The following CFTR variants were observed in gnomAD, a reference collection of about 807,000 sequenced individuals.
CFTR encodes cystic fibrosis transmembrane conductance regulator.
Under a neutral mutation model 171.6 loss-of-function variants are expected in CFTR, and 181 were observed. That is an observed-to-expected ratio of 1.05 (90% CI 0.93 to 1.19). The LOEUF is 1.19. Ranked by LOEUF, CFTR falls within the 50% of genes most tolerant of loss-of-function variation. The pLI is 0.00. For missense variants in CFTR, 1,968 were observed against 1,734.7 expected (o/e 1.13, Z -2.39); for synonymous variants, 583 against 608.0 (o/e 0.96, Z 0.60).
rs745756794 is a variant in CFTR at position 117,509,119 on chromosome 7, T to C, written c.250T>C (p.Tyr84His). The C allele has an allele frequency of 1.3e-5, 21 of 1,598,962 alleles. No homozygotes were observed. The highest frequency in any genetic ancestry group is 1.7e-5 in the Non-Finnish European group (20 of 1,166,438). ...RRCFFWRFMFYGIFLYLGEVT... is the reference protein window; with the variant it reads ...RRCFFWRFMFHGIFLYLGEVT... The stretch of plus-strand genomic sequence containing the variant: ...ATGTTTTTTCTGGAGATTTATGTTC[T>C]ATGGAATCTTTTTATATTTAGGGGT... The change falls in exon 3 of 27, where the codon TAT becomes CAT. Residue 84 changes from tyrosine to histidine, a missense_variant. By Grantham distance (83) the Tyr-to-His change is moderately conservative. Coordinates refer to ENST00000003084, the MANE Select transcript of CFTR (RefSeq NM_000492.4).
intron 22 of CFTR, among the ~76,000 whole-genome samples, chr7:117,639,426 T>G (rs932171691): frequency 6.6e-6 from 1 of 152,166 alleles, no homozygotes; most frequent in Non-Finnish European, 1.5e-5. Context: ...CTTTTTCCTC[T>G]CAAAATGCCT....
chr7:117,534,397 C>A, intron 5 of CFTR, 32 bp downstream of exon 5: 2 of 1,158,588 alleles, frequency 1.7e-6, no homozygotes, highest in Non-Finnish European at 2.6e-6. Flanking sequence ...CTTTTAGGCA[C>A]TATTGTTATA....
chr7:117,506,254 C>T (rs1191332135), intron 2 of CFTR, among the ~76,000 whole-genome samples: 2 of 151,856 alleles, frequency 1.3e-5, no homozygotes, highest in African/African-American at 4.8e-5. Context: ...GTTGTTGTTG[C>T]TGTTGTTTTT....
intron 13 of CFTR, 45 bp from the exon 14 acceptor site, chr7:117,591,889 A>C (rs773481219): frequency 8.2e-7 from 1 of 1,226,522 alleles, no homozygotes; most frequent in Non-Finnish European, 1.1e-6. Flanking sequence ...ATATTGCAAT[A>C]AAGTATTTAT....
intron 1 of CFTR, among the ~76,000 whole-genome samples, chr7:117,486,070 C>T (rs1338257234): frequency 1.3e-5 from 2 of 152,100 alleles, no homozygotes; most frequent in African/African-American, 2.4e-5. Context: ...ATTATTCCAT[C>T]GAAGTTTTCT....
At chr7:117,494,747 A>C (rs1167134739) in intron 1 of CFTR, among the ~76,000 whole-genome samples, 1 of 152,062 alleles carries the variant, frequency 6.6e-6, no homozygotes, top group Non-Finnish European at 1.5e-5. Flanking sequence ...ATAATTATAA[A>C]ATAAATACCA....
At chr7:117,653,290 C>T (rs1440007804) in intron 24 of CFTR, among the ~76,000 whole-genome samples, 1 of 152,166 alleles carries the variant, frequency 6.6e-6, no homozygotes, top group East Asian at 1.9e-4. Flanking sequence ...TGGCTCCAAC[C>T]ATCAGGCCCT....
At chr7:117,561,347 T>C (rs1307529601) in intron 11 of CFTR, among the ~76,000 whole-genome samples, 1 of 152,108 alleles carries the variant, frequency 6.6e-6, no homozygotes, top group Non-Finnish European at 1.5e-5. Context: ...CTTAAAATTA[T>C]TTTTGAAGTG....
chr7:117,610,496 A>C, intron 18 of CFTR, 23 bp from the exon 19 acceptor site: 1 of 1,609,224 alleles, frequency 6.2e-7, no homozygotes. Flanking sequence ...TTACTCACCA[A>C]CATGTTTTCT....
chr7:117,622,418 C>T (rs1200332034), intron 21 of CFTR, among the ~76,000 whole-genome samples: 4 of 152,110 alleles, frequency 2.6e-5, no homozygotes, highest in Non-Finnish European at 5.9e-5. Flanking sequence ...TTTTTGCCTA[C>T]TGGGAAGGAT....
At chr7:117,543,526 A>G (rs1262494451) in intron 9 of CFTR, among the ~76,000 whole-genome samples, 2 of 152,182 alleles carry the variant, frequency 1.3e-5, no homozygotes, top group Non-Finnish European at 2.9e-5. Flanking sequence ...AGCACTTTAT[A>G]TGTTTTGTCC....
intron 12 of CFTR, 86 bp downstream of exon 12, chr7:117,587,919 T>C: frequency 2.4e-6 from 2 of 849,246 alleles, no homozygotes; most frequent in Middle Eastern, 2.5e-4. Flanking sequence ...TATTGCTTTA[T>C]ATTCTGTTTC....
At chr7:117,528,207 G>A (rs1798794468) in intron 3 of CFTR, among the ~76,000 whole-genome samples, 1 of 87,162 alleles carries the variant, frequency 1.1e-5, no homozygotes, top group Non-Finnish European at 2.3e-5. Flanking sequence ...CAGAAATAAC[G>A]CCGCATATCT....
Position 117,663,338 on chromosome 7 carries a change from T to A in CFTR, c.3964-1350T>A, listed in dbSNP as rs528941599. 3.5e-4 allele frequency among the ~76,000 whole-genome samples: 53 copies of A among 152,140 alleles called. 1 individual carries two copies. The highest frequency in any genetic ancestry group is 3.4e-3 in the Middle Eastern group (1 of 294). ...AGTCTTCGGGGATACATCAGAGTAG[T>A]CCCCCTTGTCTAATAAATGTGTTTA... On this transcript the variant is annotated intron_variant, in intron 24 of 26. Coordinates refer to ENST00000003084, the MANE Select transcript of CFTR (RefSeq NM_000492.4).
At chr7:117,610,452 G>T (rs1584821464) in intron 18 of CFTR, 67 bp from the exon 19 acceptor site, 20 of 1,287,056 alleles carry the variant, frequency 1.6e-5, no homozygotes, top group Non-Finnish European at 2.1e-5. Flanking sequence ...ATAAATCACT[G>T]ACACACTTTG....
rs74551128 is a variant in CFTR, at chr7:117,548,795, C to A, written c.1364C>A (p.Ala455Glu). ...AAGATAGAAAGAGGACAGTTGTTGG[C>A]GGTTGCTGGATCCACTGGAGCAGGC... is the stretch of plus-strand genomic sequence containing the variant. ...NFKIERGQLL[A>E]VAGSTGAGKT... Residue 455 changes from alanine to glutamate, a missense_variant, in exon 10 of 27, where the codon GCG (alanine) becomes GAG (glutamate). Ala to Glu is a moderately radical substitution (Grantham distance 107). Transcript: ENST00000003084. The A allele has an allele frequency of 6.3e-5, 101 of 1,600,798 alleles. No homozygotes were observed. The highest frequency in any genetic ancestry group is 7.8e-5 in the Non-Finnish European group (91 of 1,171,590).
intron 6 of CFTR, 77 bp from the exon 7 acceptor site, chr7:117,536,471 C>A: frequency 2.2e-6 from 3 of 1,392,226 alleles, no homozygotes; most frequent in Non-Finnish European, 9.9e-7. Flanking sequence ...GACTTAAAAC[C>A]TTGAGCAGTT....
chr7:117,500,580 G>A (rs62469434), intron 1 of CFTR, among the ~76,000 whole-genome samples: 8,397 of 152,018 alleles, frequency 0.055, 312 homozygotes, highest in Middle Eastern at 0.088. Flanking sequence ...GTGAGCCACC[G>A]CGCCTGGCCT....
chr7:117,578,690 G>C (rs1457842973), intron 11 of CFTR, among the ~76,000 whole-genome samples: 5 of 152,170 alleles, frequency 3.3e-5, no homozygotes, highest in Non-Finnish European at 5.9e-5. Flanking sequence ...TATTATTGAG[G>C]AGAGCATTTC....
Sources: allele counts gnomAD v4.1 joint callset (sites outside exome capture counted in the v4.1 genomes callset), GRCh38; gene constraint gnomAD v4.1.1; transcripts MANE v1.5; gene names NCBI Gene and HGNC (gene_info 2026-07-23, HGNC 2026-07-21).